PCSK1: variants seen among roughly 807,000 people sequenced by gnomAD.
PCSK1 encodes neuroendocrine convertase 1.
A neutral mutation model predicts 90.6 loss-of-function variants in PCSK1; 56 were observed. The ratio of observed to expected loss-of-function variants is 0.62; its 90% CI spans 0.50 to 0.77. The LOEUF is 0.77. Among genes scored for constraint, PCSK1 ranks in the 30% least tolerant of loss-of-function variants. The probability of loss-of-function intolerance (pLI) is 0.00; values close to 1 mark genes in which losing one functional copy is unlikely to be tolerated. For synonymous variants in PCSK1, 348 were observed against 342.4 expected, an observed-to-expected ratio of 1.02 and a Z score of -0.18; for missense variants, 801 against 932.6, an observed-to-expected ratio of 0.86 and a Z score of 1.84.
Position 96,429,216 on chromosome 5 carries a change from A to G in PCSK1, c.282T>C (p.Asp94=), listed in dbSNP as rs565135413. Residue 94 remains aspartate (D), a synonymous_variant, in exon 2 of 14, where the codon GAT becomes GAC. Transcript: ENST00000311106. Reference sequence around the variant, plus strand: ...AAGACAAATGTACAACACTTACACGATCATCATCAGATAATCTCTTAGTGA... The same window carrying G: ...AAGACAAATGTACAACACTTACACGGTCATCATCAGATAATCTCTTAGTGA... ...FHITKRLSDD[D]RVIWAEQQYE... is the part of the protein sequence containing the mutation. 1.7e-5 allele frequency: 26 copies of G among 1,491,568 alleles called. No individual in the cohort carries two copies. In the South Asian group the frequency reaches 2.5e-4, roughly 14 times the overall value. The allele number at this position is 1,491,568 out of a possible 1,614,324, so 92.4% of individuals were successfully genotyped here.
intron 9 of PCSK1, among the ~76,000 whole-genome samples, chr5:96,403,257 T>C (rs1446419776): frequency 6.6e-6 from 1 of 152,218 alleles, no homozygotes; most frequent in African/African-American, 2.4e-5. Flanking sequence ...TAGAAAAACC[T>C]ATTTTTCTTT....
At chr5:96,424,789 C>T (rs868370424) in intron 3 of PCSK1, among the ~76,000 whole-genome samples, 1 of 151,694 alleles carries the variant, frequency 6.6e-6, no homozygotes, top group Non-Finnish European at 1.5e-5. Context: ...GTGACAAAAC[C>T]CCATCTCTAT....
chr5:96,423,552 T>A, intron 3 of PCSK1, 93 bp from the exon 4 acceptor site: 2 of 1,154,016 alleles, frequency 1.7e-6, no homozygotes, highest in Non-Finnish European at 2.6e-6. Context: ...CCATCTTTCT[T>A]TTTCCTTGGG....
At chr5:96,426,358 TTCTC>T (rs1367872379) in intron 2 of PCSK1, among the ~76,000 whole-genome samples, 9 of 152,184 alleles carry the variant, frequency 5.9e-5, no homozygotes, top group Admixed American at 5.9e-4. Flanking sequence ...ATAGATTAAT[TTCTC>T]TGTCTTTACA....
At chr5:96,418,106 C>T (rs967578687) in intron 5 of PCSK1, among the ~76,000 whole-genome samples, 3 of 152,142 alleles carry the variant, frequency 2.0e-5, no homozygotes, top group South Asian at 2.1e-4. Context: ...TGTATATGGA[C>T]GACTATTCTC....
chr5:96,425,008 AAAAGAAAGAAAGAAAG>A (rs200406743), intron 3 of PCSK1, among the ~76,000 whole-genome samples: 6,216 of 117,388 alleles, frequency 0.053, 221 homozygotes, highest in East Asian at 0.091. Context: ...AGAAAGAAAG[AAAAGAAAGAAAGAAAG>A]AAAGAAAGAA....
At chr5:96,412,856 G>A (rs1760816014) in intron 6 of PCSK1, 1 of 671,220 alleles carries the variant, frequency 1.5e-6, no homozygotes, top group Non-Finnish European at 1.9e-6. Flanking sequence ...ATGAGAGGAA[G>A]TGGCCGTGAT....
At chr5:96,410,731 G>T in intron 8 of PCSK1, 43 bp downstream of exon 8, 1 of 1,452,104 alleles carries the variant, frequency 6.9e-7, no homozygotes. Flanking sequence ...TGCATGCCAC[G>T]CTCTCCTAAC....
intron 13 of PCSK1, 84 bp downstream of exon 13, chr5:96,394,780 G>C: frequency 8.0e-7 from 1 of 1,254,140 alleles, no homozygotes; most frequent in Non-Finnish European, 1.2e-6. Flanking sequence ...CTTATTTCCT[G>C]CTTGGAAGTT....
chr5:96,403,527 C>T (rs1760455894), intron 9 of PCSK1, among the ~76,000 whole-genome samples: 1 of 152,198 alleles, frequency 6.6e-6, no homozygotes, highest in South Asian at 2.1e-4. Context: ...CAACTCATTC[C>T]TGACAGCCTT....
chr5:96,397,616 A>T, intron 11 of PCSK1, 147 bp from the exon 12 acceptor site: 1 of 702,572 alleles, frequency 1.4e-6, no homozygotes. Context: ...AGACACTCAC[A>T]AGGAAAAAAT....
At chr5:96,419,655 G>C (rs1761058052) in intron 5 of PCSK1, among the ~76,000 whole-genome samples, 1 of 151,900 alleles carries the variant, frequency 6.6e-6, no homozygotes, top group Non-Finnish European at 1.5e-5. Context: ...ATGCTGTGTG[G>C]AAGATTCACA....
At chr5:96,395,807 G>T (rs1455671120) in intron 12 of PCSK1, among the ~76,000 whole-genome samples, 3 of 149,036 alleles carry the variant, frequency 2.0e-5, no homozygotes, top group Admixed American at 6.8e-5. Context: ...CTAAATAAAA[G>T]AGGTCTATAA....
Position 96,410,760 on chromosome 5 carries a change from C to G in PCSK1, c.1095+14G>C. On this transcript the variant is annotated intron_variant, in intron 8 of 13. Transcript: ENST00000311106. ...TCCTAACTAAGCAGAGAGAATTAGA[C>G]AAAAGCAACATACGATTCTCTGGTC... is the stretch of plus-strand genomic sequence containing the variant. 3.7e-6 allele frequency: 6 copies of G among 1,605,584 alleles called. No homozygotes were observed. The highest frequency in any genetic ancestry group is 4.3e-6 in the Non-Finnish European group (5 of 1,172,186).
intron 8 of PCSK1, among the ~76,000 whole-genome samples, chr5:96,409,945 C>T (rs1259108984): frequency 3.9e-5 from 6 of 152,138 alleles, no homozygotes; most frequent in Non-Finnish European, 8.8e-5. Flanking sequence ...GAATCTTGCA[C>T]GCATTCCAAG....
intron 5 of PCSK1, among the ~76,000 whole-genome samples, chr5:96,420,715 G>A (rs888195401): frequency 2.8e-5 from 4 of 145,014 alleles, no homozygotes; most frequent in African/African-American, 7.5e-5. Flanking sequence ...CAGCCACTTG[G>A]GAGTTCTGAG....
At chr5:96,393,467 C>T in intron 13 of PCSK1, 89 bp from the exon 14 acceptor site, 6 of 1,483,152 alleles carry the variant, frequency 4.0e-6, no homozygotes, top group South Asian at 3.5e-5. Context: ...AGGAACGCTG[C>T]CTGCCGCTTG....
intron 9 of PCSK1, among the ~76,000 whole-genome samples, chr5:96,406,657 C>A (rs944433327): frequency 9.9e-5 from 15 of 152,220 alleles, no homozygotes; most frequent in African/African-American, 3.1e-4. Context: ...AACCTCAGGG[C>A]TTTTCCAGTC....
chr5:96,425,983 T>C, intron 2 of PCSK1, 53 bp from the exon 3 acceptor site: 2 of 983,444 alleles, frequency 2.0e-6, no homozygotes, highest in South Asian at 2.6e-5. Context: ...TACCTCTGTA[T>C]ACTTCCTCTA....
Sources: allele counts gnomAD v4.1 joint callset (sites outside exome capture counted in the v4.1 genomes callset), GRCh38; gene constraint gnomAD v4.1.1; transcripts MANE v1.5; gene names NCBI Gene and HGNC (gene_info 2026-07-23, HGNC 2026-07-21).